IARS2: variants seen among roughly 807,000 people sequenced by gnomAD.
IARS2 encodes isoleucyl-tRNA synthetase 2, mitochondrial.
Under a neutral mutation model 126.3 loss-of-function variants are expected in IARS2, and 56 were observed. That is an observed-to-expected ratio of 0.44 (90% CI 0.36 to 0.55). The LOEUF is 0.55. Among genes scored for constraint, IARS2 ranks in the 20% least tolerant of loss-of-function variants. The pLI, the probability that IARS2 is intolerant of heterozygous loss-of-function variation, is 0.00. For missense variants in IARS2, 1,127 were observed against 1,245.9 expected, an observed-to-expected ratio of 0.90 and a Z score of 1.44; for synonymous variants, 407 against 441.1, an observed-to-expected ratio of 0.92 and a Z score of 0.97.
intron 14 of IARS2, among the ~76,000 whole-genome samples, chr1:220,129,841 G>A (rs932101431): frequency 6.6e-6 from 1 of 152,188 alleles, no homozygotes; most frequent in Non-Finnish European, 1.5e-5. Flanking sequence ...CTGTGGATAT[G>A]CTGATTTTAT....
At chr1:220,106,171 T>A (rs1318578428) in intron 9 of IARS2, 111 bp downstream of exon 9, 1 of 902,286 alleles carries the variant, frequency 1.1e-6, no homozygotes, top group African/African-American at 1.7e-5. Context: ...ATCATAATTG[T>A]GAAATGCTCA....
At chr1:220,134,612 C>T in intron 15 of IARS2, 102 bp downstream of exon 15, 1 of 589,934 alleles carries the variant, frequency 1.7e-6, no homozygotes, top group Non-Finnish European at 2.8e-6. Context: ...TGATTGCTTA[C>T]AGTGTCCTGT....
chr1:220,107,853 A>G (rs142102126), intron 10 of IARS2, among the ~76,000 whole-genome samples: 70 of 152,228 alleles, frequency 4.6e-4, no homozygotes, highest in African/African-American at 1.6e-3. Flanking sequence ...CTTGGTTTAT[A>G]ACTGCGTTAC....
chr1:220,140,963 G>A (rs535161569), intron 19 of IARS2, among the ~76,000 whole-genome samples: 45 of 138,970 alleles, frequency 3.2e-4, no homozygotes, highest in African/African-American at 1.1e-3. Flanking sequence ...CAGCCTGGGC[G>A]ACAGAGCAAG....
chr1:220,114,708 A>T (rs752085760), intron 12 of IARS2, among the ~76,000 whole-genome samples: 5 of 152,050 alleles, frequency 3.3e-5, no homozygotes, highest in Non-Finnish European at 4.4e-5. Context: ...CTTTTTTTCT[A>T]TGAGAATTTA....
chr1:220,107,220 A>G (rs1465509665), intron 10 of IARS2, 69 bp downstream of exon 10: 2 of 955,138 alleles, frequency 2.1e-6, no homozygotes, highest in Non-Finnish European at 3.4e-6. Flanking sequence ...TTTGCTACCT[A>G]TTTTCCCTCC....
chr1:220,119,888 C>T (rs1231424284), intron 12 of IARS2, among the ~76,000 whole-genome samples: 1 of 152,120 alleles, frequency 6.6e-6, no homozygotes, highest in East Asian at 1.9e-4. Context: ...ATGTTTGTCA[C>T]ATCTCTATAA....
At chr1:220,101,726 C>T (rs1425182985) in intron 3 of IARS2, among the ~76,000 whole-genome samples, 3 of 151,740 alleles carry the variant, frequency 2.0e-5, no homozygotes, top group Non-Finnish European at 4.4e-5. Context: ...TGTGCTCGGG[C>T]GCCGTGGCTC....
At chr1:220,145,363 G>C (rs1657565702) in intron 21 of IARS2, 146 bp from the exon 22 acceptor site, 1 of 601,960 alleles carries the variant, frequency 1.7e-6, no homozygotes, top group Non-Finnish European at 2.8e-6. Context: ...AATTAGGATT[G>C]ATACATTTAG....
intron 11 of IARS2, among the ~76,000 whole-genome samples, chr1:220,112,159 G>A (rs1391344545): frequency 2.5e-4 from 12 of 48,640 alleles, no homozygotes; most frequent in African/African-American, 1.2e-3. Flanking sequence ...ACGGAGTCTC[G>A]CTCTGTCGCC....
Position 220,103,568 on chromosome 1 carries a change from G to T in IARS2, c.1066+6G>T, listed in dbSNP as rs1185924509. On this transcript the variant is annotated splice_donor_region_variant and intron_variant, in intron 8 of 22. Transcript: ENST00000366922. Reference sequence around the variant, plus strand: ...GACTATTTCAACACTTTCAGGTGAAGATTTTTAGATATCTGACAACATAGT... The same window carrying T: ...GACTATTTCAACACTTTCAGGTGAATATTTTTAGATATCTGACAACATAGT... 2 of 1,522,512 alleles carry T rather than the reference G, an allele frequency of 1.3e-6. No individual in the cohort carries two copies. The highest frequency in any genetic ancestry group is 9.1e-7 in the Non-Finnish European group (1 of 1,097,024). 94.3% of individuals were successfully genotyped at this position (1,522,512 alleles called of 1,614,324 possible).
rs1178481381 is a variant in IARS2, at chr1:220,147,739, T to G, written c.*104T>G. The G allele has an allele frequency of 8.8e-7, 1 of 1,140,944 alleles. No individual in the cohort carries two copies. The highest frequency in any genetic ancestry group is 2.3e-5 in the Admixed American group (1 of 43,522). The allele number at this position is 1,140,944 out of a possible 1,614,324, so 70.7% of individuals were successfully genotyped here. A position where few individuals can be genotyped will look rare whatever the true frequency, so the allele number is the denominator to read the frequency against. ...AGAAAGCCAAGATTTAGGTAATGAG[T>G]GGATGAGTAAATGGTGGAGGATGGG... is the stretch of plus-strand genomic sequence containing the variant. On this transcript the variant is annotated 3_prime_UTR_variant, in exon 23 of 23. Coordinates refer to ENST00000366922, the MANE Select transcript of IARS2 (RefSeq NM_018060.4).
Position 220,102,135 on chromosome 1 carries a change from C to T in IARS2, c.557C>T (p.Ser186Leu), listed in dbSNP as rs561155210. Reference sequence around the variant, plus strand: ...TTTTTCGTCTTTTTTTTAGCTAGATCATTTGCTAAAGCAGCCATTGAGAAA... The same window carrying T: ...TTTTTCGTCTTTTTTTTAGCTAGATTATTTGCTAAAGCAGCCATTGAGAAA... ...SAMEIRKKAR[S>L]FAKAAIEKQK... The change falls in exon 4 of 23, where the codon TCA (serine) becomes TTA (leucine). Residue 186 changes from serine (S) to leucine (L), a missense_variant. Coordinates refer to ENST00000366922, the MANE Select transcript of IARS2 (RefSeq NM_018060.4). 4.2e-5 allele frequency: 67 copies of T among 1,595,192 alleles called. No individual in the cohort carries two copies. Among genetic ancestry groups the T allele is most frequent in the Non-Finnish European group, 5.5e-5 (65 of 1,175,490 alleles).
chr1:220,102,507 T>C lies in IARS2; in HGVS notation c.762T>C (p.Ala254=), dbSNP rs778544749. 1 of 1,613,758 alleles carries C rather than the reference T, an allele frequency of 6.2e-7. No individual in the cohort carries two copies. Among genetic ancestry groups the C allele is most frequent in the African/African-American group, 1.3e-5 (1 of 74,928 alleles). ...TTTTAACCCTTAGGACTGCATTGGC[T>C]GAAGCAGAACTTGAATATAATCCTG... ...FWSPSSRTAL[A]EAELEYNPEH... is the part of the protein sequence containing the mutation. Residue 254 remains alanine (A), a synonymous_variant, in exon 6 of 23, where the codon GCT becomes GCC. Coordinates refer to ENST00000366922, the MANE Select transcript of IARS2 (RefSeq NM_018060.4).
At chr1:220,106,094 A>G (rs368225089) in intron 9 of IARS2, 34 bp downstream of exon 9, 10 of 1,513,094 alleles carry the variant, frequency 6.6e-6, no homozygotes, top group African/African-American at 2.8e-5. Flanking sequence ...TTAATTATTC[A>G]TCTTAATAAA....
chr1:220,117,836 T>G (rs752068541), intron 12 of IARS2: 6 of 520,868 alleles, frequency 1.2e-5, no homozygotes, highest in South Asian at 8.7e-5. Flanking sequence ...TTGCGTGGTG[T>G]TAGTCGATTT....
chr1:220,122,395 A>G (rs569691358), intron 12 of IARS2, among the ~76,000 whole-genome samples: 8 of 152,312 alleles, frequency 5.3e-5, no homozygotes, highest in African/African-American at 1.9e-4. Flanking sequence ...TCTTCACTCT[A>G]TGCCTGGGTA....
chr1:220,108,393 TA>T (rs978315329), intron 10 of IARS2, among the ~76,000 whole-genome samples: 1 of 150,658 alleles, frequency 6.6e-6, no homozygotes, highest in African/African-American at 2.5e-5. Flanking sequence ...ATTTTATTTT[TA>T]TTTTTTTTTT....
intron 11 of IARS2, among the ~76,000 whole-genome samples, chr1:220,113,374 T>TA (rs1384354421): frequency 3.3e-5 from 5 of 152,310 alleles, no homozygotes; most frequent in African/African-American, 4.8e-5. Context: ...TTCTGGTAGT[T>TA]ACGGTGAGTG....
Sources: allele counts gnomAD v4.1 joint callset (sites outside exome capture counted in the v4.1 genomes callset), GRCh38; gene constraint gnomAD v4.1.1; transcripts MANE v1.5; gene names NCBI Gene and HGNC (gene_info 2026-07-23, HGNC 2026-07-21).